TET3: variants seen among roughly 807,000 people sequenced by gnomAD.
TET3 encodes tet methylcytosine dioxygenase 3, also known as methylcytosine dioxygenase TET3.
In TET3, 19 loss-of-function variants were observed where a neutral mutation model predicts 141.4. The observed-to-expected ratio is 0.13, with a 90% CI of 0.09 to 0.20. The LOEUF (loss-of-function observed/expected upper bound fraction) is 0.20, where lower values mean the gene tolerates loss of function less well. TET3 is among the 10% of genes least tolerant of loss of function. The pLI, the probability that TET3 is intolerant of heterozygous loss-of-function variation, is 1.00. For synonymous variants in TET3, 1,043 were observed against 980.9 expected, an observed-to-expected ratio of 1.06 and a Z score of -1.18; for missense variants, 1,874 against 2,356.9, an observed-to-expected ratio of 0.80 and a Z score of 4.24.
At chr2:74,024,611 G>T (rs188645079) in intron 3 of TET3, among the ~76,000 whole-genome samples, 72 of 152,200 alleles carry the variant, frequency 4.7e-4, no homozygotes, top group African/African-American at 1.6e-3. Flanking sequence ...TTAAGTCAGA[G>T]AACTTGAGTT....
chr2:74,101,946 G>A lies in TET3; in HGVS notation c.5158G>A (p.Ala1720Thr). ...CAAGATGAAGCAGCTGGCGGAGAGG[G>A]CACGGGCACGGCAGGAGGAGGCTGC... The part of the protein sequence containing the change: ...EAKMKQLAER[A>T]RARQEEAARL... The change falls in exon 12 of 12, where the codon GCA becomes ACA. Residue 1720 changes from alanine (A) to threonine (T), a missense_variant. Ala to Thr is a moderately conservative substitution (Grantham distance 58, BLOSUM62 0). Around this residue, in one of 10 missense-constraint regions of TET3, gnomAD observed 113 missense variants for 114.3 expected, o/e 0.99. Coordinates refer to ENST00000409262, the MANE Select transcript of TET3 (RefSeq NM_001287491.2). This position sits in a 1 kb window ranked among gnomAD's most constrained non-coding sequence, Gnocchi z 8.5. The A allele has an allele frequency of 3.1e-6, 5 of 1,612,394 alleles. No individual in the cohort carries two copies. Among genetic ancestry groups the A allele is most frequent in the Non-Finnish European group, 4.2e-6 (5 of 1,179,066 alleles).
downstream of TET3, among the ~76,000 whole-genome samples, chr2:74,108,789 C>A (rs1365392843): frequency 6.6e-6 from 1 of 152,168 alleles, no homozygotes; most frequent in African/African-American, 2.4e-5. Flanking sequence ...AAACATCTGA[C>A]TGAAATTGAT....
At chr2:74,030,163 A>G (rs894934957) in intron 3 of TET3, among the ~76,000 whole-genome samples, 2 of 152,232 alleles carry the variant, frequency 1.3e-5, no homozygotes, top group African/African-American at 4.8e-5. Context: ...ATGTATGCAT[A>G]TAGGAAAGGA....
At chr2:74,098,916 G>C (rs909254471) in intron 10 of TET3, among the ~76,000 whole-genome samples, 1 of 152,194 alleles carries the variant, frequency 6.6e-6, no homozygotes, top group African/African-American at 2.4e-5. Flanking sequence ...AGATAATGGT[G>C]GACGGTCTGA....
Position 74,100,876 on chromosome 2 carries a change from G to T in TET3, c.4088G>T (p.Gly1363Val), listed in dbSNP as rs1387570330. Residue 1363 changes from glycine (G) to valine (V), a missense_variant, in exon 12 of 12, where the codon GGC becomes GTC. Physicochemically the swap from Gly to Val is moderately radical, Grantham distance 109. This residue lies in a region of TET3 where 602 missense variants were observed against 590.2 expected (regional missense o/e 1.02). Coordinates refer to ENST00000409262, the MANE Select transcript of TET3 (RefSeq NM_001287491.2). ...TPHHQQPAYP[G>V]PKEYLLPKAP... ...CACCACCAGCAGCCTGCGTACCCAGGCCCCAAGGAGTATCTGCTTCCCAAG... is the reference window on the plus strand; with the variant it reads ...CACCACCAGCAGCCTGCGTACCCAGTCCCCAAGGAGTATCTGCTTCCCAAG... 1 of 1,610,602 alleles carries T rather than the reference G, an allele frequency of 6.2e-7. No homozygotes were observed. Among genetic ancestry groups the T allele is most frequent in the East Asian group, 2.2e-5 (1 of 44,720 alleles).
At chr2:73,989,712 T>G (rs528389501) in intron 2 of TET3, among the ~76,000 whole-genome samples, 1 of 152,286 alleles carries the variant, frequency 6.6e-6, no homozygotes, top group South Asian at 2.1e-4. Flanking sequence ...CCTTCCTAGT[T>G]CCAGGAAGAC....
At chr2:73,992,608 C>T (rs1258133141) in intron 2 of TET3, among the ~76,000 whole-genome samples, 1 of 152,040 alleles carries the variant, frequency 6.6e-6, no homozygotes, top group Non-Finnish European at 1.5e-5. Context: ...GCCACTGTGC[C>T]CGGCCCTTGT....
intron 3 of TET3, among the ~76,000 whole-genome samples, chr2:74,036,198 G>T (rs1428046172): frequency 6.6e-6 from 1 of 152,166 alleles, no homozygotes; most frequent in East Asian, 1.9e-4. Flanking sequence ...AAACAGAGGC[G>T]CAGAGAGATT....
chr2:74,134,094 CAAAT>C, the TET3 span, among the ~76,000 whole-genome samples: 1 of 152,178 alleles, frequency 6.6e-6, no homozygotes, highest in Non-Finnish European at 1.5e-5. Flanking sequence ...AAGAGAAAGA[CAAAT>C]AGGTTCCACG....
In TET3 at chr2:74,101,599, A is replaced by C. The variant is rs774476922; in HGVS notation, c.4811A>C (p.Asp1604Ala). The C allele has an allele frequency of 5.6e-6, 9 of 1,610,770 alleles. No homozygotes were observed. The East Asian group carries it at 1.8e-4, about 32-fold the overall frequency. Reference protein sequence around the residue: ...GALKSEEKLWDPFSLEEGPAE... With the variant: ...GALKSEEKLWAPFSLEEGPAE... ...CTGAAGTCAGAGGAGAAGCTGTGGG[A>C]CCCCTTCAGCCTGGAGGAGGGGCCG... The change falls in exon 12 of 12, where the codon GAC (aspartate) becomes GCC (alanine). Residue 1604 changes from aspartate to alanine, a missense_variant. By Grantham distance (126) the Asp-to-Ala change is moderately radical. Around this residue, in one of 10 missense-constraint regions of TET3, gnomAD observed 602 missense variants for 590.2 expected, o/e 1.02. Coordinates refer to ENST00000409262, the MANE Select transcript of TET3 (RefSeq NM_001287491.2). This position sits in a 1 kb window ranked among gnomAD's most constrained non-coding sequence, Gnocchi z 8.5.
At chr2:74,009,918 G>C (rs1685338464) in intron 3 of TET3, among the ~76,000 whole-genome samples, 1 of 152,226 alleles carries the variant, frequency 6.6e-6, no homozygotes, top group Admixed American at 6.5e-5. Context: ...AGGTATGAGG[G>C]CTGGAAGCTC....
rs371889668 is a variant in TET3 at position 74,090,522 on chromosome 2, G to A, written c.3039+475G>A. Among the ~76,000 whole-genome samples, 46 of 152,284 alleles carry A rather than the reference G, an allele frequency of 3.0e-4. No homozygotes were observed. The South Asian group carries it at 8.3e-3, about 27-fold the overall frequency. On this transcript the variant is annotated intron_variant, in intron 8 of 11. Transcript: ENST00000409262. ...GACAGATGTCTCTGGGCAGTCATCCGGGCCCTTGCAGTCTCCATGCTGGGG... is the reference window on the plus strand; with the variant it reads ...GACAGATGTCTCTGGGCAGTCATCCAGGCCCTTGCAGTCTCCATGCTGGGG...
In TET3 at chr2:74,046,981, A is replaced by G; in HGVS notation, c.1064A>G (p.Gln355Arg). Residue 355 changes from glutamine (Q) to arginine (R), a missense_variant, in exon 4 of 12, where the codon CAG (glutamine) becomes CGG (arginine). Gln to Arg is a conservative substitution (Grantham distance 43). Around this residue, in one of 10 missense-constraint regions of TET3, gnomAD observed 366 missense variants for 487.0 expected, o/e 0.75. Coordinates refer to ENST00000409262, the MANE Select transcript of TET3 (RefSeq NM_001287491.2). This position sits in a 1 kb window ranked among gnomAD's most constrained non-coding sequence, Gnocchi z 4.3. The part of the protein sequence containing the change: ...SIAKEKNISL[Q>R]TAIAIEALTQ... ...GCCAAGGAAAAAAACATCAGCTTGCAGACCGCCATTGCCATTGAGGCCCTC... is the reference window on the plus strand; with the variant it reads ...GCCAAGGAAAAAAACATCAGCTTGCGGACCGCCATTGCCATTGAGGCCCTC... 6.2e-7 allele frequency: 1 copy of G among 1,614,012 alleles called. No homozygotes were observed. The highest frequency in any genetic ancestry group is 8.5e-7 in the Non-Finnish European group (1 of 1,179,882).
Position 74,048,079 on chromosome 2 carries a change from G to C in TET3, c.2162G>C (p.Ser721Thr), listed in dbSNP as rs1448506490. ...IRQFEAEFGDSFGLPGPPSVP... is the reference protein window; with the variant it reads ...IRQFEAEFGDTFGLPGPPSVP... ...CAGTTTGAGGCTGAATTTGGAGATA[G>C]CTTTGGGCTTCCCGGCCCCCCTTCT... is the stretch of plus-strand genomic sequence containing the variant. Residue 721 changes from serine (S) to threonine (T), a missense_variant, in exon 4 of 12, where the codon AGC (serine) becomes ACC (threonine). This residue lies in a region of TET3 where 484 missense variants were observed against 462.2 expected (regional missense o/e 1.05). Transcript: ENST00000409262. The C allele has an allele frequency of 6.2e-7, 1 of 1,613,420 alleles. No individual in the cohort carries two copies. Among genetic ancestry groups the C allele is most frequent in the Non-Finnish European group, 8.5e-7 (1 of 1,179,686 alleles).
intron 4 of TET3, among the ~76,000 whole-genome samples, chr2:74,073,007 A>G (rs1410294957): frequency 6.6e-6 from 1 of 152,214 alleles, no homozygotes; most frequent in Non-Finnish European, 1.5e-5. Context: ...ATGGATGATT[A>G]TGTTGTTTTC....
At chr2:74,084,955 G>T (rs1690040111) in intron 6 of TET3, among the ~76,000 whole-genome samples, 1 of 152,004 alleles carries the variant, frequency 6.6e-6, no homozygotes, top group Non-Finnish European at 1.5e-5. Context: ...AGAAACAGAG[G>T]CAGAAAGTAG....
chr2:74,068,806 G>A (rs887951730), intron 4 of TET3, among the ~76,000 whole-genome samples: 2 of 152,172 alleles, frequency 1.3e-5, no homozygotes, highest in Non-Finnish European at 1.5e-5. Context: ...AGCTTTATGC[G>A]TGTTTGAGCC....
chr2:74,048,559 C>T lies in TET3; in HGVS notation c.2494+148C>T, dbSNP rs182730919. 23 of 931,772 alleles carry T rather than the reference C, an allele frequency of 2.5e-5. No homozygotes were observed. The African/African-American group carries it at 3.0e-4, about 12-fold the overall frequency. 57.7% of individuals were successfully genotyped at this position (931,772 alleles called of 1,614,324 possible). Reference sequence around the variant, plus strand: ...GGGAACACAGAAATGAGCTCATAGCCTAGTGGAAAAGACATTGAAAGAAAT... The same window carrying T: ...GGGAACACAGAAATGAGCTCATAGCTTAGTGGAAAAGACATTGAAAGAAAT... On this transcript the variant is annotated intron_variant, in intron 4 of 11. Coordinates refer to ENST00000409262, the MANE Select transcript of TET3 (RefSeq NM_001287491.2).
chr2:74,066,836 A>G (rs562767931), intron 4 of TET3, among the ~76,000 whole-genome samples: 67 of 152,168 alleles, frequency 4.4e-4, no homozygotes, highest in Admixed American at 4.3e-3. Flanking sequence ...CTCTGTCCTT[A>G]ACCGTGTAAG....
Sources: gnomAD v4.1 joint callset for allele counts (sites outside exome capture counted in the v4.1 genomes callset) on GRCh38, gnomAD v4.1.1 for gene constraint, gnomAD v4.1.1 regional missense constraint, Gnocchi (gnomAD v3.1) non-coding constraint, MANE v1.5 for transcripts, NCBI Gene and HGNC (gene_info 2026-07-23, HGNC 2026-07-21) for gene names.